DIPK2B: variants seen among roughly 807,000 people sequenced by gnomAD.
DIPK2B encodes the protein UPF0672 protein CXorf36.
In DIPK2B, 15 loss-of-function variants were observed where a neutral mutation model predicts 22.2. That is an observed-to-expected ratio of 0.68 (90% CI 0.45 to 1.04). DIPK2B has a LOEUF of 1.04. Among genes scored for constraint, DIPK2B ranks in the 50% least tolerant of loss-of-function variants. DIPK2B has a pLI of 0.00. For synonymous variants in DIPK2B, 163 were observed against 153.2 expected, an observed-to-expected ratio of 1.06 and a Z score of -0.47; for missense variants, 345 against 348.3, an observed-to-expected ratio of 0.99 and a Z score of 0.08.
intron 2 of DIPK2B, among the ~76,000 whole-genome samples, chrX:45,184,476 T>C (rs2047170590): frequency 8.9e-6 from 1 of 111,901 alleles, no homozygotes; most frequent in Non-Finnish European, 1.9e-5. Context: ...TAAGTAGAAA[T>C]AGATTTTGAT....
intron 2 of DIPK2B, among the ~76,000 whole-genome samples, chrX:45,179,728 C>G (rs753610449): frequency 1.8e-5 from 2 of 110,537 alleles, no homozygotes; most frequent in South Asian, 7.5e-4. Flanking sequence ...AATGTCCAAA[C>G]TAAGAACATA....
chrX:45,165,998 C>T (rs2047047026), intron 2 of DIPK2B, among the ~76,000 whole-genome samples: 1 of 112,019 alleles, frequency 8.9e-6, no homozygotes, highest in African/African-American at 3.2e-5. Context: ...TGGCCACTTG[C>T]TTAGGGCAGC....
chrX:45,196,496 T>C (rs769681103), intron 1 of DIPK2B, among the ~76,000 whole-genome samples: 16 of 111,614 alleles, frequency 1.4e-4, no homozygotes, highest in African/African-American at 4.9e-4. Context: ...AAATCAGGCC[T>C]GACGATTTAG....
intron 2 of DIPK2B, among the ~76,000 whole-genome samples, chrX:45,177,543 T>G (rs1047109944): frequency 9.1e-6 from 1 of 109,965 alleles, no homozygotes; most frequent in African/African-American, 3.3e-5. Flanking sequence ...TGCTACTGCC[T>G]CCCCTTCCAC....
intron 2 of DIPK2B, chrX:45,162,861 C>T (rs983163600): frequency 2.7e-6 from 2 of 752,617 alleles, no homozygotes; most frequent in African/African-American, 4.6e-5. Flanking sequence ...TTTTGCTTGG[C>T]TATATTGTTA....
intron 2 of DIPK2B, among the ~76,000 whole-genome samples, chrX:45,167,678 T>C (rs2047056274): frequency 1.8e-5 from 2 of 109,082 alleles, no homozygotes; most frequent in Admixed American, 9.8e-5. Flanking sequence ...GCCGCCAGAG[T>C]GATTCTTTTT....
intron 2 of DIPK2B, among the ~76,000 whole-genome samples, chrX:45,161,689 T>C (rs1015025145): frequency 3.6e-5 from 4 of 112,091 alleles, no homozygotes; most frequent in Admixed American, 1.9e-4. Flanking sequence ...GACTGTGAGA[T>C]GAGAGAATGC....
intron 1 of DIPK2B, among the ~76,000 whole-genome samples, chrX:45,196,771 C>G (rs2047241271): frequency 9.0e-6 from 1 of 111,516 alleles, no homozygotes; most frequent in African/African-American, 3.3e-5. Context: ...TGTGACTTCT[C>G]AGGGTTTCAT....
rs1487321575 is a variant in DIPK2B at position 45,163,789 on chromosome X, T to C, written c.499-5901A>G. 8 of 768,385 alleles carry C rather than the reference T, an allele frequency of 1.0e-5. No individual in the cohort carries two copies. In the East Asian group the frequency reaches 1.0e-3, roughly 100 times the overall value. The allele number at this position is 768,385 out of a possible 1,213,427, so 63.3% of individuals were successfully genotyped here. ...ACCAGACCAAAATTTAGAAGTTATGTGGGCCTTTGGTAATGTTGTCAGAAT... is the reference window on the plus strand; with the variant it reads ...ACCAGACCAAAATTTAGAAGTTATGCGGGCCTTTGGTAATGTTGTCAGAAT... On this transcript the variant is annotated intron_variant, in intron 2 of 4. Coordinates refer to ENST00000398000, the MANE Select transcript of DIPK2B (RefSeq NM_176819.4).
At chrX:45,174,557 C>T (rs925955496) in intron 2 of DIPK2B, among the ~76,000 whole-genome samples, 1 of 109,311 alleles carries the variant, frequency 9.1e-6, no homozygotes, top group African/African-American at 3.3e-5. Context: ...GTGGTATGAG[C>T]ATGGCCTTGA....
Position 45,148,430 on chromosome X carries a change from G to A in DIPK2B, c.*3222C>T, listed in dbSNP as rs2046943818. ...TATGGTTCTGCAGGTGGTACAGGAA[G>A]TGTGGGGCTGGCATCTGCTTCTGGT... On this transcript the variant is annotated 3_prime_UTR_variant, in exon 5 of 5. Coordinates refer to ENST00000398000, the MANE Select transcript of DIPK2B (RefSeq NM_176819.4). 9.0e-6 allele frequency: 1 copy of A among 111,215 alleles called. No individual in the cohort carries two copies. The highest frequency in any genetic ancestry group is 1.9e-5 in the Non-Finnish European group (1 of 53,090). 9.2% of individuals were successfully genotyped at this position (111,215 alleles called of 1,213,427 possible).
intron 2 of DIPK2B, among the ~76,000 whole-genome samples, chrX:45,190,708 C>T (rs2047205989): frequency 8.9e-6 from 1 of 111,899 alleles, no homozygotes; most frequent in Admixed American, 9.4e-5. Context: ...CAAAACTCAA[C>T]CATAATTTCC....
intron 2 of DIPK2B, among the ~76,000 whole-genome samples, chrX:45,166,463 A>G (rs150374649): frequency 2.1e-4 from 23 of 110,943 alleles, no homozygotes; most frequent in African/African-American, 6.2e-4. Flanking sequence ...CTGAGACTCA[A>G]TTTCCGCCTC....
chrX:45,161,049 G>A (rs1462982739), intron 2 of DIPK2B, among the ~76,000 whole-genome samples: 3 of 111,643 alleles, frequency 2.7e-5, no homozygotes, highest in East Asian at 5.6e-4. Flanking sequence ...TCCTTAAAGG[G>A]AGAGGATGTA....
intron 2 of DIPK2B, chrX:45,163,788 G>A: frequency 2.6e-6 from 2 of 769,503 alleles, no homozygotes; most frequent in South Asian, 1.3e-4. Context: ...TAGAAGTTAT[G>A]TGGGCCTTTG....
At chrX:45,177,542 C>T (rs1434815025) in intron 2 of DIPK2B, among the ~76,000 whole-genome samples, 1 of 110,307 alleles carries the variant, frequency 9.1e-6, no homozygotes, top group African/African-American at 3.3e-5. Context: ...CTGCTACTGC[C>T]TCCCCTTCCA....
chrX:45,166,246 C>T (rs933721042), intron 2 of DIPK2B, among the ~76,000 whole-genome samples: 1 of 111,289 alleles, frequency 9.0e-6, no homozygotes, highest in Non-Finnish European at 1.9e-5. Flanking sequence ...TCGCTGGATG[C>T]CAGGGCTGCT....
intron 2 of DIPK2B, among the ~76,000 whole-genome samples, chrX:45,187,468 G>GCGCA (rs1556403888): frequency 0.05 from 4,893 of 98,395 alleles, 139 homozygotes; most frequent in Non-Finnish European, 0.07. Context: ...GCGCGCGCGC[G>GCGCA]CACACACACA....
intron 2 of DIPK2B, among the ~76,000 whole-genome samples, chrX:45,189,147 C>T (rs1440078167): frequency 8.9e-6 from 1 of 112,439 alleles, no homozygotes; most frequent in Non-Finnish European, 1.9e-5. Context: ...CCTGCCTCAG[C>T]CTCCCAAAGT....
Sources: allele counts gnomAD v4.1 joint callset (sites outside exome capture counted in the v4.1 genomes callset), GRCh38; gene constraint gnomAD v4.1.1; transcripts MANE v1.5; gene names NCBI Gene and HGNC (gene_info 2026-07-23, HGNC 2026-07-21).